Variants in GRM7 observed in about 807,000 individuals in gnomAD.
The protein encoded by GRM7 is glutamate metabotropic receptor 7.
A neutral mutation model predicts 84.5 loss-of-function variants in GRM7; 35 were observed. The ratio of observed to expected loss-of-function variants is 0.41; its 90% CI spans 0.32 to 0.55. The LOEUF (loss-of-function observed/expected upper bound fraction) is 0.55. Ranked by LOEUF, GRM7 falls within the 20% of genes least tolerant of loss-of-function variation. GRM7 has a pLI of 0.19. For synonymous variants in GRM7, 487 were observed against 455.1 expected, an observed-to-expected ratio of 1.07 and a Z score of -0.89; for missense variants, 1,003 against 1,194.6, an observed-to-expected ratio of 0.84 and a Z score of 2.36.
chr3:7,554,085 C>G (rs114664110), intron 7 of GRM7, among the ~76,000 whole-genome samples: 3 of 152,092 alleles, frequency 2.0e-5, no homozygotes, highest in African/African-American at 7.2e-5. Flanking sequence ...AAAGCTATGA[C>G]GAAGCTATGC....
intron 9 of GRM7, among the ~76,000 whole-genome samples, chr3:7,723,654 G>A (rs1234673493): frequency 6.6e-6 from 1 of 152,076 alleles, no homozygotes; most frequent in Admixed American, 6.5e-5. Context: ...TTCAACACGA[G>A]CCTCGGTAAC....
chr3:7,143,571 G>A (rs1323678717), intron 1 of GRM7, among the ~76,000 whole-genome samples: 1 of 152,230 alleles, frequency 6.6e-6, no homozygotes, highest in East Asian at 1.9e-4. Context: ...TTCAAAGGGT[G>A]CACAGTAATG....
At chr3:7,196,029 T>G (rs1216490262) in intron 2 of GRM7, among the ~76,000 whole-genome samples, 1 of 152,054 alleles carries the variant, frequency 6.6e-6, no homozygotes, top group African/African-American at 2.4e-5. Flanking sequence ...TACCTACCTA[T>G]GTACCTACCT....
chr3:6,966,076 T>C (rs1011178462), intron 1 of GRM7, among the ~76,000 whole-genome samples: 4 of 152,168 alleles, frequency 2.6e-5, no homozygotes, highest in African/African-American at 9.7e-5. Flanking sequence ...ATATCACGAG[T>C]GCTATACGAA....
chr3:7,509,988 A>G (rs567522264), intron 7 of GRM7, among the ~76,000 whole-genome samples: 1 of 152,294 alleles, frequency 6.6e-6, no homozygotes, highest in Admixed American at 6.5e-5. Flanking sequence ...GTTATCTGTA[A>G]TATTTATTTG....
intron 9 of GRM7, among the ~76,000 whole-genome samples, chr3:7,731,201 A>G (rs1206029545): frequency 2.0e-5 from 3 of 151,960 alleles, no homozygotes; most frequent in East Asian, 3.9e-4. Flanking sequence ...AAAGAGGGGG[A>G]AAAAAAGAAT....
chr3:7,245,357 G>T (rs963283700), intron 2 of GRM7, among the ~76,000 whole-genome samples: 1 of 151,848 alleles, frequency 6.6e-6, no homozygotes, highest in Non-Finnish European at 1.5e-5. Flanking sequence ...GGACATCATG[G>T]TCAAACTAGG....
intron 5 of GRM7, among the ~76,000 whole-genome samples, chr3:7,416,471 C>T (rs1304422281): frequency 1.3e-5 from 2 of 152,074 alleles, no homozygotes; most frequent in Non-Finnish European, 2.9e-5. Context: ...ACCGGTCACC[C>T]ACATGTTGTA....
intron 1 of GRM7, among the ~76,000 whole-genome samples, chr3:7,074,895 A>G (rs1260092133): frequency 2.0e-5 from 3 of 152,330 alleles, no homozygotes; most frequent in Admixed American, 1.3e-4. Flanking sequence ...AGATTTTTCA[A>G]TCAAAGCCAG....
chr3:7,175,304 T>A (rs532309811), intron 2 of GRM7, among the ~76,000 whole-genome samples: 1 of 152,212 alleles, frequency 6.6e-6, no homozygotes, highest in Admixed American at 6.5e-5. Flanking sequence ...ACCATCAAGT[T>A]TTCAAAGCTT....
At chr3:7,156,118 G>A (rs1270106719) in intron 2 of GRM7, among the ~76,000 whole-genome samples, 1 of 152,120 alleles carries the variant, frequency 6.6e-6, no homozygotes, top group Non-Finnish European at 1.5e-5. Flanking sequence ...TGTGTAGGTT[G>A]TGAGAAGACA....
chr3:7,238,296 T>C (rs559247622), intron 2 of GRM7, among the ~76,000 whole-genome samples: 1 of 152,320 alleles, frequency 6.6e-6, no homozygotes, highest in Admixed American at 6.5e-5. Context: ...TCTAGGTTCA[T>C]CACATTTGCT....
At chr3:7,529,252 T>C (rs1211560381) in intron 7 of GRM7, among the ~76,000 whole-genome samples, 1 of 152,184 alleles carries the variant, frequency 6.6e-6, no homozygotes, top group Non-Finnish European at 1.5e-5. Context: ...AGTGAATTAA[T>C]ACATCTCCAG....
At chr3:6,993,002 A>C (rs1226008230) in intron 1 of GRM7, among the ~76,000 whole-genome samples, 3 of 152,236 alleles carry the variant, frequency 2.0e-5, no homozygotes, top group Non-Finnish European at 4.4e-5. Flanking sequence ...AAGACCGGAT[A>C]ATTTATAAAG....
chr3:7,454,088 A>T (rs1173014000), intron 6 of GRM7, among the ~76,000 whole-genome samples: 77 of 111,752 alleles, frequency 6.9e-4, no homozygotes, highest in African/African-American at 2.1e-3. Context: ...AGCTACACAC[A>T]CACTCTCTCT....
At position 7,578,352 on chromosome 3, in the gene GRM7, G is replaced by A. The variant is rs565134121; in HGVS notation, c.1516-70G>A. The A allele has an allele frequency of 1.6e-4, 160 of 999,702 alleles. 2 individuals carry two copies. The South Asian group carries it at 2.5e-3, about 15-fold the overall frequency. The allele number at this position is 999,702 out of a possible 1,614,324, so 61.9% of individuals were successfully genotyped here. Reference sequence around the variant, plus strand: ...ATGTCACTTGCCATGAGTACTGTTTGCTGCTGGTGTTCTTTTTCTATTCTC... The same window carrying A: ...ATGTCACTTGCCATGAGTACTGTTTACTGCTGGTGTTCTTTTTCTATTCTC... On this transcript the variant is annotated intron_variant, in intron 7 of 9. Transcript: ENST00000357716.
intron 1 of GRM7, among the ~76,000 whole-genome samples, chr3:6,913,243 A>G (rs1021063536): frequency 1.3e-5 from 2 of 152,148 alleles, no homozygotes; most frequent in Non-Finnish European, 2.9e-5. Context: ...TATTATTTTC[A>G]TTGGCTTTAT....
At chr3:6,979,474 T>C (rs1575092706) in intron 1 of GRM7, among the ~76,000 whole-genome samples, 1 of 152,162 alleles carries the variant, frequency 6.6e-6, no homozygotes, top group African/African-American at 2.4e-5. Flanking sequence ...CTAGGACTCA[T>C]GGCAATCATA....
intron 9 of GRM7, chr3:7,686,259 T>A: frequency 1.6e-6 from 1 of 620,374 alleles, no homozygotes; most frequent in Non-Finnish European, 2.9e-6. Flanking sequence ...GTATGGTCTC[T>A]ATCGCAGCCT....
Sources: gnomAD v4.1 joint callset for allele counts (sites outside exome capture counted in the v4.1 genomes callset) on GRCh38, gnomAD v4.1.1 for gene constraint, MANE v1.5 for transcripts, NCBI Gene and HGNC (gene_info 2026-07-23, HGNC 2026-07-21) for gene names.